Variants in LIG1 observed in about 807,000 individuals in gnomAD.
LIG1 encodes the protein DNA ligase 1.
LIG1 carries 70 observed loss-of-function variants against 115.7 expected under a neutral mutation model. That is an observed-to-expected ratio of 0.60 (90% confidence interval 0.50 to 0.74). The LOEUF is 0.74. LIG1 is among the 30% of genes least tolerant of loss of function. LIG1 has a pLI of 0.00. For synonymous variants in LIG1, 487 were observed against 495.3 expected (o/e 0.98, Z 0.22); for missense variants, 1,115 against 1,225.6 (o/e 0.91, Z 1.35).
chr19:48,156,960 A>AG, intron 5 of LIG1, 54 bp downstream of exon 5: 3 of 1,359,922 alleles, frequency 2.2e-6, no homozygotes, highest in Non-Finnish European at 2.0e-6. Flanking sequence ...AAAAAAAAAA[A>AG]AAGAGAAAAA....
rs1410149594 is a variant in LIG1, at chr19:48,121,307, G to C, written c.2248C>G (p.Leu750Val). 6.2e-7 allele frequency: 1 copy of C among 1,602,450 alleles called. No homozygotes were observed. Among genetic ancestry groups the C allele is most frequent in the Admixed American group, 1.7e-5 (1 of 59,400 alleles). ...HNWLKLKKDY[L>V]DGVGDTLDLV... The stretch of plus-strand genomic sequence containing the variant: ...TCCAGGGTGTCACCCACGCCATCAA[G>C]GTAGTCCTTCTTCAGCTGGGAGAAG... The change falls in exon 24 of 28, where the codon CTT becomes GTT. Residue 750 changes from leucine to valine, a missense_variant. Leu to Val is a conservative substitution (Grantham distance 32, BLOSUM62 1). Transcript: ENST00000263274.
chr19:48,125,113 TA>T (rs1267731609), intron 21 of LIG1, among the ~76,000 whole-genome samples: 1 of 151,742 alleles, frequency 6.6e-6, no homozygotes, highest in Non-Finnish European at 1.5e-5. Flanking sequence ...CTACTACTAA[TA>T]AAAAAATTTG....
rs3730933 is a variant in LIG1 at position 48,143,940 on chromosome 19, T to C, written c.800A>G (p.Asn267Ser). ...AEGPLDPSGY[N>S]PAKNNYHPVE... Reference sequence around the variant, plus strand: ...GGGATGATAGTTGTTCTTGGCAGGATTGTAACCAGATGGATCCAGGGGTCT... The same window carrying C: ...GGGATGATAGTTGTTCTTGGCAGGACTGTAACCAGATGGATCCAGGGGTCT... Residue 267 changes from asparagine to serine, a missense_variant, in exon 10 of 28, where the codon AAT becomes AGT. Coordinates refer to ENST00000263274, the MANE Select transcript of LIG1 (RefSeq NM_000234.3). The C allele has an allele frequency of 2.1e-3, 3,388 of 1,613,956 alleles. 62 individuals carry two copies. In the African/African-American group the frequency reaches 0.039, roughly 18 times the overall value.
At position 48,137,134 on chromosome 19, in the gene LIG1, C is replaced by T; in HGVS notation, c.1255-50G>A. On this transcript the variant is annotated intron_variant, in intron 13 of 27. Coordinates refer to ENST00000263274, the MANE Select transcript of LIG1 (RefSeq NM_000234.3). The surrounding 1 kb of genome is among the most constrained non-coding windows in gnomAD (Gnocchi z 4.3). The stretch of plus-strand genomic sequence containing the variant: ...CAGTGCCTGGTGAAGGCAGGGACCA[C>T]ACCTCCACCCCACCAGCCGTGCTGC... The T allele has an allele frequency of 7.0e-7, 1 of 1,425,260 alleles. No homozygotes were observed. The highest frequency in any genetic ancestry group is 9.8e-7 in the Non-Finnish European group (1 of 1,017,634). The allele number at this position is 1,425,260 out of a possible 1,614,324, so 88.3% of individuals were successfully genotyped here.
At chr19:48,142,282 A>G (rs1169350075) in intron 11 of LIG1, among the ~76,000 whole-genome samples, 4 of 151,882 alleles carry the variant, frequency 2.6e-5, no homozygotes, top group Non-Finnish European at 5.9e-5. Context: ...CTAAAAACAC[A>G]CACACAAAAA....
At chr19:48,133,186 G>A (rs2034156545) in intron 17 of LIG1, 89 bp from the exon 18 acceptor site, 1 of 877,106 alleles carries the variant, frequency 1.1e-6, no homozygotes, top group South Asian at 1.3e-5. Context: ...TGGGCCCCAG[G>A]ACCATTCTGC....
chr19:48,136,859 C>A, intron 14 of LIG1, 149 bp downstream of exon 14: 1 of 725,122 alleles, frequency 1.4e-6, no homozygotes, highest in Non-Finnish European at 2.5e-6. Context: ...GTGTCCCTTC[C>A]CACTCTTTAG....
rs2033755914 is a variant in LIG1 at position 48,127,614 on chromosome 19, T to A, written c.1933-266A>T. 27 of 606,618 alleles carry A rather than the reference T, an allele frequency of 4.5e-5. No individual in the cohort carries two copies. The South Asian group carries it at 4.5e-4, about 10-fold the overall frequency. 37.6% of individuals were successfully genotyped at this position (606,618 alleles called of 1,614,324 possible). ...AGTGACATGGCACAGTTCTGGCCAATGAGATGGAAAAGGGGAAACCTGTGG... is the reference window on the plus strand; with the variant it reads ...AGTGACATGGCACAGTTCTGGCCAAAGAGATGGAAAAGGGGAAACCTGTGG... On this transcript the variant is annotated intron_variant, in intron 20 of 27. Transcript: ENST00000263274.
chr19:48,133,343 C>T, intron 17 of LIG1: 1 of 534,780 alleles, frequency 1.9e-6, no homozygotes, highest in Non-Finnish European at 3.4e-6. Context: ...GGCTCACATC[C>T]TTGCAAGGAA....
chr19:48,122,675 G>C lies in LIG1; in HGVS notation c.2232+259C>G, dbSNP rs559739228. 2.0e-5 allele frequency among the ~76,000 whole-genome samples: 3 copies of C among 152,334 alleles called. No homozygotes were observed. The highest frequency in any genetic ancestry group is 2.0e-4 in the Admixed American group (3 of 15,300). On this transcript the variant is annotated intron_variant, in intron 23 of 27. Coordinates refer to ENST00000263274, the MANE Select transcript of LIG1 (RefSeq NM_000234.3). This position sits in a 1 kb window ranked among gnomAD's most constrained non-coding sequence, Gnocchi z 4.3. Reference sequence around the variant, plus strand: ...GGCCCGACACGGGCGGCAGGCTCAGGAGAGAGACACCTCATCACGCTGCAC... The same window carrying C: ...GGCCCGACACGGGCGGCAGGCTCAGCAGAGAGACACCTCATCACGCTGCAC...
rs1461248777 is a variant in LIG1, at chr19:48,132,909, G to A, written c.1725+73C>T. 5.4e-6 allele frequency: 6 copies of A among 1,109,568 alleles called. No homozygotes were observed. In the African/African-American group the frequency reaches 9.2e-5, roughly 17 times the overall value. The allele number at this position is 1,109,568 out of a possible 1,614,324, so 68.7% of individuals were successfully genotyped here. ...TGGCGCAGGCCGGCTTGAAGCTCAG[G>A]CCTCAGTGACCCCACACCCCTGCTC... On this transcript the variant is annotated intron_variant, in intron 18 of 27. Transcript: ENST00000263274.
chr19:48,131,766 C>G (rs1206962416), intron 18 of LIG1, among the ~76,000 whole-genome samples: 1 of 152,128 alleles, frequency 6.6e-6, no homozygotes, highest in Non-Finnish European at 1.5e-5. Context: ...TAAGACAGTC[C>G]GGTCACAGCC....
chr19:48,120,317 C>T (rs2033175957), intron 24 of LIG1: 2 of 985,378 alleles, frequency 2.0e-6, no homozygotes, highest in South Asian at 9.4e-5. Flanking sequence ...ATATACAACA[C>T]TGAAAACAAA....
chr19:48,117,142 CTTTTA>C (rs1218923065), intron 26 of LIG1, among the ~76,000 whole-genome samples: 2 of 147,562 alleles, frequency 1.4e-5, no homozygotes, highest in Admixed American at 1.4e-4. Context: ...CCTGGGAATT[CTTTTA>C]TTTAAGAAAA....
rs2034446245 is a variant in LIG1 at position 48,137,157 on chromosome 19, T to C, written c.1255-73A>G. ...CACACCTCCACCCCACCAGCCGTGCTGCTGCCCTGCATTTTGGAATACCTG... is the reference window on the plus strand; with the variant it reads ...CACACCTCCACCCCACCAGCCGTGCCGCTGCCCTGCATTTTGGAATACCTG... On this transcript the variant is annotated intron_variant, in intron 13 of 27. Coordinates refer to ENST00000263274, the MANE Select transcript of LIG1 (RefSeq NM_000234.3). This position sits in a 1 kb window ranked among gnomAD's most constrained non-coding sequence, Gnocchi z 4.3. The C allele has an allele frequency of 7.9e-7, 1 of 1,268,084 alleles. No homozygotes were observed. Among genetic ancestry groups the C allele is most frequent in the Non-Finnish European group, 1.1e-6 (1 of 882,238 alleles). 78.6% of individuals were successfully genotyped at this position (1,268,084 alleles called of 1,614,324 possible).
chr19:48,136,579 A>G (rs147670178), intron 14 of LIG1, among the ~76,000 whole-genome samples: 1 of 152,278 alleles, frequency 6.6e-6, no homozygotes, highest in African/African-American at 2.4e-5. Flanking sequence ...GAGGGTAACA[A>G]GACCAGTCTC....
chr19:48,120,777 A>T, intron 24 of LIG1: 1 of 363,340 alleles, frequency 2.8e-6, no homozygotes, highest in Non-Finnish European at 4.1e-6. Context: ...TGTGATGATG[A>T]GGCCAGAGGC....
At chr19:48,120,960 C>T in intron 24 of LIG1, 1 of 1,438,752 alleles carries the variant, frequency 7.0e-7, no homozygotes. Flanking sequence ...CACTGACACA[C>T]ATTCCTGACA....
At position 48,158,062 on chromosome 19, in the gene LIG1, C is replaced by A. The variant is rs140425334; in HGVS notation, c.244-922G>T. On this transcript the variant is annotated intron_variant, in intron 4 of 27. Transcript: ENST00000263274. ...AATTCCTCTCTTGCCATGTGACACA[C>A]CTGCTCCTCCTTCACCTTCCACCAT... Among the ~76,000 whole-genome samples the A allele has an allele frequency of 2.6e-3, 398 of 152,300 alleles. 7 individuals carry two copies. Among genetic ancestry groups the A allele is most frequent in the African/African-American group, 8.9e-3 (371 of 41,550 alleles).
Sources: gnomAD v4.1 joint callset for allele counts (sites outside exome capture counted in the v4.1 genomes callset) on GRCh38, gnomAD v4.1.1 for gene constraint, Gnocchi (gnomAD v3.1) non-coding constraint, MANE v1.5 for transcripts, NCBI Gene and HGNC (gene_info 2026-07-23, HGNC 2026-07-21) for gene names.